The following CACNB4 variants were observed in gnomAD, a reference collection of about 807,000 sequenced individuals.
CACNB4 encodes calcium voltage-gated channel auxiliary subunit beta 4.
In CACNB4, 32 loss-of-function variants were observed where a neutral mutation model predicts 71.2. The ratio of observed to expected loss-of-function variants is 0.45; its 90% confidence interval spans 0.34 to 0.60. The LOEUF (loss-of-function observed/expected upper bound fraction) is 0.60. CACNB4 is among the 20% of genes least tolerant of loss of function. The pLI is 0.01. For synonymous variants in CACNB4, 231 were observed against 236.9 expected, an observed-to-expected ratio of 0.97 and a Z score of 0.23; for missense variants, 464 against 647.9, an observed-to-expected ratio of 0.72 and a Z score of 3.08.
chr2:151,954,345 A>C (rs1328865973), intron 2 of CACNB4, among the ~76,000 whole-genome samples: 1 of 152,252 alleles, frequency 6.6e-6, no homozygotes, highest in Admixed American at 6.5e-5. Context: ...GGAATGTTTC[A>C]TAAGCAGCTC....
At chr2:152,018,747 T>C (rs1310992347) in intron 2 of CACNB4, among the ~76,000 whole-genome samples, 1 of 150,958 alleles carries the variant, frequency 6.6e-6, no homozygotes, top group African/African-American at 2.5e-5. Context: ...CAGGCTGCAG[T>C]GACCCATAAT....
intron 2 of CACNB4, among the ~76,000 whole-genome samples, chr2:152,066,987 A>C (rs1686366558): frequency 8.1e-6 from 1 of 123,990 alleles, no homozygotes; most frequent in African/African-American, 3.1e-5. Context: ...CACTCTGGGG[A>C]CTGTTTTGGG....
At chr2:152,020,023 C>T (rs1478749380) in intron 2 of CACNB4, among the ~76,000 whole-genome samples, 1 of 152,178 alleles carries the variant, frequency 6.6e-6, no homozygotes. Context: ...CAAGGAAAAA[C>T]CACTGTGTTT....
intron 2 of CACNB4, among the ~76,000 whole-genome samples, chr2:151,930,402 T>C (rs900463647): frequency 6.6e-6 from 1 of 152,064 alleles, no homozygotes; most frequent in Non-Finnish European, 1.5e-5. Context: ...TATATAAAAC[T>C]AAAATTTTTT....
intron 9 of CACNB4, chr2:151,868,264 T>C (rs1403406740): frequency 2.0e-5 from 3 of 152,322 alleles, no homozygotes; most frequent in African/African-American, 7.2e-5. Flanking sequence ...AATGGCTTAA[T>C]TACTGCCTTC....
chr2:151,840,397 T>C (rs1262088856), intron 13 of CACNB4, among the ~76,000 whole-genome samples: 1 of 152,248 alleles, frequency 6.6e-6, no homozygotes, highest in African/African-American at 2.4e-5. Context: ...GTGGATGTCT[T>C]AGCAGTGATG....
At chr2:151,930,261 C>T (rs982934692) in intron 2 of CACNB4, among the ~76,000 whole-genome samples, 44 of 152,136 alleles carry the variant, frequency 2.9e-4, no homozygotes, top group African/African-American at 9.2e-4. Context: ...AAGGAGATGA[C>T]AGATTAATGA....
intron 2 of CACNB4, among the ~76,000 whole-genome samples, chr2:152,049,050 C>A (rs560878435): frequency 1.1e-4 from 16 of 152,152 alleles, no homozygotes; most frequent in South Asian, 4.1e-4. Flanking sequence ...AGGAAGAATT[C>A]ATAAGCGGTA....
At chr2:151,960,107 C>T (rs2099869269) in intron 2 of CACNB4, among the ~76,000 whole-genome samples, 1 of 152,168 alleles carries the variant, frequency 6.6e-6, no homozygotes, top group Admixed American at 6.5e-5. Context: ...ATGAAACAAT[C>T]CAAGCAGTCT....
At chr2:151,923,659 T>A (rs2151579719) in intron 2 of CACNB4, among the ~76,000 whole-genome samples, 1 of 152,332 alleles carries the variant, frequency 6.6e-6, no homozygotes, top group East Asian at 1.9e-4. Context: ...GAAACGTTTT[T>A]GCTAAGCATC....
At chr2:151,846,995 T>C (rs1005176059) in intron 12 of CACNB4, among the ~76,000 whole-genome samples, 1 of 151,946 alleles carries the variant, frequency 6.6e-6, no homozygotes, top group African/African-American at 2.4e-5. Context: ...TAAAACTGCA[T>C]GTTGGGCATT....
chr2:152,064,047 T>C (rs375023620), intron 2 of CACNB4, among the ~76,000 whole-genome samples: 6 of 152,226 alleles, frequency 3.9e-5, no homozygotes, highest in East Asian at 1.9e-4. Flanking sequence ...TTGTGAATGA[T>C]AGAGTACTGG....
At chr2:151,912,881 G>C (rs187813152) in intron 2 of CACNB4, among the ~76,000 whole-genome samples, 14 of 151,770 alleles carry the variant, frequency 9.2e-5, no homozygotes, top group African/African-American at 3.4e-4. Context: ...ATTTAGAATA[G>C]TTAGCTCTTC....
intron 2 of CACNB4, among the ~76,000 whole-genome samples, chr2:152,070,044 C>T (rs991685877): frequency 3.3e-5 from 5 of 151,900 alleles, no homozygotes; most frequent in South Asian, 2.1e-4. Context: ...AGGGTTTCAC[C>T]GTGTTAGCCA....
chr2:152,048,623 G>A (rs896428975), intron 2 of CACNB4: 2 of 152,304 alleles, frequency 1.3e-5, no homozygotes, highest in Non-Finnish European at 2.9e-5. Context: ...CCCAGGATGT[G>A]AGCAGGAGAG....
intron 2 of CACNB4, among the ~76,000 whole-genome samples, chr2:152,051,066 C>T (rs150487920): frequency 0.014 from 2,056 of 152,094 alleles, 34 homozygotes; most frequent in Middle Eastern, 0.027. Context: ...CTGGGCCCAG[C>T]CCACATCCAC....
At chr2:151,912,361 G>A (rs553721934) in intron 2 of CACNB4, among the ~76,000 whole-genome samples, 39 of 152,304 alleles carry the variant, frequency 2.6e-4, no homozygotes, top group Non-Finnish European at 3.2e-4. Context: ...ATTCTGGTAC[G>A]TTGTCTCTTT....
intron 2 of CACNB4, among the ~76,000 whole-genome samples, chr2:152,058,731 G>C (rs759944416): frequency 3.3e-5 from 5 of 152,358 alleles, no homozygotes; most frequent in Non-Finnish European, 5.9e-5. Flanking sequence ...GCAGAAATTG[G>C]CATAAGTAAC....
At chr2:151,973,043 G>T (rs4664512) in intron 2 of CACNB4, 35,736 of 152,136 alleles carry the variant, frequency 0.23, 4,441 homozygotes, top group Middle Eastern at 0.44. Context: ...CCTGACCTAG[G>T]GGGGAGAAGG....
Sources: allele counts gnomAD v4.1 joint callset (sites outside exome capture counted in the v4.1 genomes callset), GRCh38; gene constraint gnomAD v4.1.1; transcripts MANE v1.5; gene names NCBI Gene and HGNC (gene_info 2026-07-23, HGNC 2026-07-21).